WDR93: variants seen among roughly 807,000 people sequenced by gnomAD.
The protein encoded by WDR93 is WD repeat domain 93.
WDR93 carries 73 observed loss-of-function variants against 82.9 expected under a neutral mutation model. That is an observed-to-expected ratio of 0.88 (90% CI 0.73 to 1.07). WDR93 has a LOEUF of 1.07. Ranked by LOEUF, WDR93 falls within the 50% of genes least tolerant of loss-of-function variation. The pLI is 0.00. For synonymous variants in WDR93, 283 were observed against 300.1 expected (o/e 0.94, Z 0.59); for missense variants, 738 against 826.0 (o/e 0.89, Z 1.31).
chr15:89,703,128 C>T lies in WDR93; in HGVS notation c.482C>T (p.Pro161Leu), dbSNP rs575031668. ...TDLGNEILIA[P>L]VDEMGIIRLF... ...TTAGGGAATGAAATACTCATTGCTC[C>T]TGTGGATGAAATGGGTATTGTTCTT... Residue 161 changes from proline (P) to leucine (L), a missense_variant, in exon 3 of 17, where the codon CCT becomes CTT. Pro to Leu is a moderately conservative substitution (Grantham distance 98). Transcript: ENST00000268130. 1 of 1,614,138 alleles carries T rather than the reference C, an allele frequency of 6.2e-7. No homozygotes were observed.
intron 7 of WDR93, 141 bp from the exon 8 acceptor site, chr15:89,721,914 C>A: frequency 1.6e-6 from 1 of 631,856 alleles, no homozygotes; most frequent in East Asian, 2.9e-5. Flanking sequence ...TTTACTTTTA[C>A]AATCTTGCTA....
chr15:89,729,880 C>A, intron 11 of WDR93, 111 bp downstream of exon 11: 1 of 901,182 alleles, frequency 1.1e-6, no homozygotes, highest in South Asian at 1.4e-5. Context: ...ACTTTAGGGA[C>A]CAGATCTAGG....
chr15:89,718,861 C>T lies in WDR93; in HGVS notation c.795+1912C>T, dbSNP rs997737838. Among the ~76,000 whole-genome samples the T allele has an allele frequency of 3.3e-5, 5 of 152,172 alleles. No homozygotes were observed. In the South Asian group the frequency reaches 6.2e-4, roughly 19 times the overall value. ...AACGCCTGACCTCAGGTCATCCACC[C>T]GCTTTGGCCTCCCAAAGTGCTGGGA... is the stretch of plus-strand genomic sequence containing the variant. On this transcript the variant is annotated intron_variant, in intron 7 of 16. Transcript: ENST00000268130.
chr15:89,718,214 G>A (rs1177784487), intron 7 of WDR93, among the ~76,000 whole-genome samples: 3 of 152,272 alleles, frequency 2.0e-5, no homozygotes, highest in East Asian at 1.9e-4. Flanking sequence ...AGTGGCTCAC[G>A]CCTGTAATCC....
At chr15:89,720,399 A>T (rs1321899193) in intron 7 of WDR93, among the ~76,000 whole-genome samples, 1 of 152,016 alleles carries the variant, frequency 6.6e-6, no homozygotes, top group East Asian at 1.9e-4. Context: ...CAGCCTCCCA[A>T]GTAGCTGGGA....
At chr15:89,737,750 T>G in intron 15 of WDR93, 21 bp downstream of exon 15, 3 of 1,613,790 alleles carry the variant, frequency 1.9e-6, no homozygotes, top group Admixed American at 1.7e-5. Context: ...GGACCAGGGC[T>G]GATGCCCACT....
chr15:89,713,086 G>C (rs544580546), intron 5 of WDR93, among the ~76,000 whole-genome samples: 1 of 145,946 alleles, frequency 6.9e-6, no homozygotes, highest in African/African-American at 2.6e-5. Flanking sequence ...TCGTGCCATT[G>C]CACTCCAGCC....
chr15:89,700,162 C>T (rs1353138328), intron 1 of WDR93, among the ~76,000 whole-genome samples: 2 of 152,084 alleles, frequency 1.3e-5, no homozygotes, highest in Admixed American at 6.6e-5. Flanking sequence ...CTAATTTTTC[C>T]CACGACCGAG....
chr15:89,728,162 T>G (rs1296577857), intron 9 of WDR93, among the ~76,000 whole-genome samples: 2 of 152,204 alleles, frequency 1.3e-5, no homozygotes, highest in Non-Finnish European at 2.9e-5. Context: ...TTTTTCTCCA[T>G]TTCCTTCCTG....
At chr15:89,693,018 T>C (rs1964979254) in intron 1 of WDR93, among the ~76,000 whole-genome samples, 2 of 152,228 alleles carry the variant, frequency 1.3e-5, no homozygotes, top group South Asian at 4.1e-4. Context: ...CTTAGCATAA[T>C]GCATTTGAGA....
intron 1 of WDR93, among the ~76,000 whole-genome samples, chr15:89,695,356 G>C (rs1333532620): frequency 6.6e-6 from 1 of 152,124 alleles, no homozygotes; most frequent in African/African-American, 2.4e-5. Flanking sequence ...TTTTTAGAGA[G>C]GGAGTTTCGC....
intron 1 of WDR93, among the ~76,000 whole-genome samples, chr15:89,696,351 A>C (rs1373154976): frequency 6.6e-6 from 1 of 152,176 alleles, no homozygotes; most frequent in Non-Finnish European, 1.5e-5. Context: ...TATTATATGG[A>C]TATACCACAG....
At chr15:89,733,348 C>T (rs1410296718) in intron 13 of WDR93, 129 bp downstream of exon 13, 4 of 851,502 alleles carry the variant, frequency 4.7e-6, no homozygotes, top group Admixed American at 5.8e-5. Context: ...TCCTGGTGAG[C>T]TTCTGAAGAT....
At chr15:89,732,337 T>C (rs2141694482) in intron 12 of WDR93, among the ~76,000 whole-genome samples, 1 of 152,306 alleles carries the variant, frequency 6.6e-6, no homozygotes, top group East Asian at 1.9e-4. Flanking sequence ...TTGACTGTTC[T>C]CAGGGAGGTG....
At chr15:89,722,223 A>T in intron 8 of WDR93, 84 bp downstream of exon 8, 1 of 1,077,848 alleles carries the variant, frequency 9.3e-7, no homozygotes, top group South Asian at 1.7e-5. Flanking sequence ...TTTTCAACTT[A>T]TTAGCAACGA....
chr15:89,701,295 G>T (rs1021228560), intron 1 of WDR93, among the ~76,000 whole-genome samples: 1 of 152,130 alleles, frequency 6.6e-6, no homozygotes, highest in Non-Finnish European at 1.5e-5. Flanking sequence ...CATCTGATGG[G>T]GGGTAAAGGA....
At chr15:89,743,264 C>G (rs1438784966) in intron 16 of WDR93, 28 bp from the exon 17 acceptor site, 20 of 1,611,854 alleles carry the variant, frequency 1.2e-5, no homozygotes, top group Non-Finnish European at 1.7e-5. Flanking sequence ...AGAGGAGATT[C>G]CTCTCATCAC....
At chr15:89,710,846 G>A (rs925127183) in intron 4 of WDR93, among the ~76,000 whole-genome samples, 1 of 152,186 alleles carries the variant, frequency 6.6e-6, no homozygotes, top group Non-Finnish European at 1.5e-5. Flanking sequence ...AAAGAATCAA[G>A]CTTTTATTCT....
At chr15:89,736,617 G>C (rs1178581298) in intron 14 of WDR93, among the ~76,000 whole-genome samples, 2 of 152,042 alleles carry the variant, frequency 1.3e-5, no homozygotes, top group African/African-American at 4.8e-5. Flanking sequence ...AGAGTCTAAA[G>C]AAAGTGAGAG....
Sources: allele counts gnomAD v4.1 joint callset (sites outside exome capture counted in the v4.1 genomes callset), GRCh38; gene constraint gnomAD v4.1.1; transcripts MANE v1.5; gene names NCBI Gene and HGNC (gene_info 2026-07-23, HGNC 2026-07-21).